ALLC: variants seen among roughly 807,000 people sequenced by gnomAD.
ALLC encodes probable inactive allantoicase.
ALLC carries 40 observed loss-of-function variants against 45.0 expected under a neutral mutation model. The observed-to-expected ratio is 0.89, with a 90% CI of 0.69 to 1.16. ALLC has a LOEUF of 1.16. ALLC is among the 50% of genes most tolerant of loss of function. The pLI is 0.00. For missense variants in ALLC, 488 were observed against 493.1 expected (o/e 0.99, Z 0.10); for synonymous variants, 176 against 178.1 (o/e 0.99, Z 0.09).
intron 4 of ALLC, 55 bp downstream of exon 4, chr2:3,678,610 G>A (rs1322242849): frequency 9.7e-6 from 14 of 1,445,552 alleles, no homozygotes; most frequent in South Asian, 4.7e-5. Context: ...AGTTAAAAAC[G>A]CAGGCTGTGG....
intron 1 of ALLC, among the ~76,000 whole-genome samples, chr2:3,659,954 TCA>T (rs2147990090): frequency 6.6e-6 from 1 of 152,326 alleles, no homozygotes; most frequent in East Asian, 1.9e-4. Flanking sequence ...CTCTCCTTTC[TCA>T]CATTTTTTTA....
At chr2:3,684,863 C>T (rs542482567) in intron 7 of ALLC, among the ~76,000 whole-genome samples, 1 of 152,170 alleles carries the variant, frequency 6.6e-6, no homozygotes, top group Non-Finnish European at 1.5e-5. Flanking sequence ...TGTTTTAACA[C>T]AGGCATGCAA....
At chr2:3,695,943 C>G in intron 8 of ALLC, 71 bp downstream of exon 8, 1 of 1,444,694 alleles carries the variant, frequency 6.9e-7, no homozygotes, top group Non-Finnish European at 9.3e-7. Flanking sequence ...CCAATATGGT[C>G]AGAGTGATTT....
Position 3,701,573 on chromosome 2 carries a change from C to A in ALLC, c.912C>A (p.Ala304=). 6.2e-7 allele frequency: 1 copy of A among 1,600,624 alleles called. No individual in the cohort carries two copies. The highest frequency in any genetic ancestry group is 1.7e-5 in the Admixed American group (1 of 58,952). The change falls in exon 11 of 12, where the codon GCC becomes GCA. Residue 304 remains alanine, a synonymous_variant. Transcript: ENST00000252505. The part of the protein sequence containing the change: ...GCILTTQEEE[A]VIRQKWILPA... ...TCCTGACAACTCAGGAAGAAGAAGC[C>A]GTGATCAGGCAAAAGTGGATTCTCC...
rs755101528 is a variant in ALLC at position 3,697,425 on chromosome 2, T to G, written c.819T>G (p.Thr273=). Residue 273 remains threonine, a synonymous_variant, in exon 10 of 12, where the codon ACT becomes ACG. Coordinates refer to ENST00000252505, the MANE Select transcript of ALLC (RefSeq NM_018436.4). ...VFRLAHPGVI[T]RIEIDTKYFE... is the part of the protein sequence containing the mutation. ...GATTGGCACATCCTGGAGTAATAAC[T>G]CGAATTGAAATTGACACAAAATATT... 1 of 1,613,814 alleles carries G rather than the reference T, an allele frequency of 6.2e-7. No homozygotes were observed. The highest frequency in any genetic ancestry group is 1.7e-5 in the Admixed American group (1 of 60,020).
chr2:3,648,056 G>A, the ALLC span, among the ~76,000 whole-genome samples: 1 of 149,176 alleles, frequency 6.7e-6, no homozygotes, highest in Admixed American at 6.6e-5. Flanking sequence ...AATGGGCAGT[G>A]GGTGTCCTGG....
chr2:3,673,560 A>G (rs1666948029), intron 2 of ALLC, among the ~76,000 whole-genome samples: 1 of 152,218 alleles, frequency 6.6e-6, no homozygotes, highest in South Asian at 2.1e-4. Context: ...TGTTTTGCTC[A>G]GGAAAATCTG....
chr2:3,681,054 C>T (rs1667163175), intron 5 of ALLC, among the ~76,000 whole-genome samples: 1 of 152,164 alleles, frequency 6.6e-6, no homozygotes, highest in East Asian at 1.9e-4. Flanking sequence ...TGTGGGTTGG[C>T]AAGTTTACAC....
intron 2 of ALLC, among the ~76,000 whole-genome samples, chr2:3,671,481 C>T (rs955930565): frequency 6.6e-6 from 1 of 152,274 alleles, no homozygotes; most frequent in Non-Finnish European, 1.5e-5. Context: ...ATCTGAGGTC[C>T]TCTAGCTGGA....
intron 7 of ALLC, among the ~76,000 whole-genome samples, chr2:3,687,715 T>C (rs548219070): frequency 6.6e-6 from 1 of 151,230 alleles, no homozygotes; most frequent in South Asian, 2.1e-4. Context: ...GGTTTTCCAA[T>C]TTGTTGGTAT....
rs139076143 is a variant in ALLC, at chr2:3,697,266, C to T, written c.742-82C>T. ...TAAGAAATAAAAGAAACACGTCAAC[C>T]TTTTTCACCTGTTGGTTTTCGGGAC... On this transcript the variant is annotated intron_variant, in intron 9 of 11. Coordinates refer to ENST00000252505, the MANE Select transcript of ALLC (RefSeq NM_018436.4). 1,447 of 1,021,176 alleles carry T rather than the reference C, an allele frequency of 1.4e-3. 13 individuals carry two copies. The African/African-American group carries it at 0.021, about 14-fold the overall frequency. 63.3% of individuals were successfully genotyped at this position (1,021,176 alleles called of 1,614,324 possible). A position where few individuals can be genotyped will look rare whatever the true frequency, so the allele number is the denominator to read the frequency against.
intron 2 of ALLC, 24 bp downstream of exon 2, chr2:3,671,214 AC>A: frequency 1.2e-6 from 2 of 1,605,856 alleles, no homozygotes; most frequent in Non-Finnish European, 1.7e-6. Context: ...TCATGGCCAA[AC>A]AAGGGTTGAA....
Position 3,671,913 on chromosome 2 carries a change from A to T in ALLC, c.33+723A>T, listed in dbSNP as rs548870888. Among the ~76,000 whole-genome samples the T allele has an allele frequency of 5.3e-5, 7 of 132,332 alleles. 1 individual carries two copies. The highest frequency in any genetic ancestry group is 4.2e-3 in the Middle Eastern group (1 of 240). 86.8% of individuals were successfully genotyped at this position (132,332 alleles called of 152,430 possible). A position where few individuals can be genotyped will look rare whatever the true frequency, so the allele number is the denominator to read the frequency against. On this transcript the variant is annotated intron_variant, in intron 2 of 11. Transcript: ENST00000252505. ...TGGGAGGTCCTCTGGCTCTGGTTAG[A>T]TGGGAGGTCCTCTGGCTCTATTTAG...
chr2:3,694,142 C>T (rs1337540147), intron 7 of ALLC, among the ~76,000 whole-genome samples: 3 of 152,164 alleles, frequency 2.0e-5, no homozygotes, highest in East Asian at 1.9e-4. Context: ...ACAGGATTCA[C>T]GAGTTGAGGG....
the ALLC span, among the ~76,000 whole-genome samples, chr2:3,646,045 G>A: frequency 6.6e-6 from 1 of 152,256 alleles, no homozygotes; most frequent in East Asian, 1.9e-4. Flanking sequence ...GGAGAAAAGG[G>A]CAGGTTTGCC....
At chr2:3,669,957 G>A (rs1358929764) in intron 1 of ALLC, among the ~76,000 whole-genome samples, 1 of 152,192 alleles carries the variant, frequency 6.6e-6, no homozygotes, top group Non-Finnish European at 1.5e-5. Context: ...GATAATTGGA[G>A]TGTGGATGAT....
chr2:3,701,406 C>T (rs1667827655), intron 10 of ALLC, 106 bp from the exon 11 acceptor site: 2 of 1,357,448 alleles, frequency 1.5e-6, no homozygotes, highest in Non-Finnish European at 2.0e-6. Flanking sequence ...AGAGCAGGGA[C>T]TTGTTTTTTG....
At position 3,702,652 on chromosome 2, in the gene ALLC, T is replaced by G; in HGVS notation, c.*89T>G. On this transcript the variant is annotated 3_prime_UTR_variant, in exon 12 of 12. Coordinates refer to ENST00000252505, the MANE Select transcript of ALLC (RefSeq NM_018436.4). ...ATGTTTTGAACACCTGGTGATTTAATAAAGTGGTCGTCTCACAAATTGATC... is the reference window on the plus strand; with the variant it reads ...ATGTTTTGAACACCTGGTGATTTAAGAAAGTGGTCGTCTCACAAATTGATC... 7.4e-7 allele frequency: 1 copy of G among 1,349,294 alleles called. No homozygotes were observed. Among genetic ancestry groups the G allele is most frequent in the Non-Finnish European group, 9.9e-7 (1 of 1,011,058 alleles). The allele number at this position is 1,349,294 out of a possible 1,614,324, so 83.6% of individuals were successfully genotyped here.
chr2:3,686,203 C>T (rs1232046692), intron 7 of ALLC, among the ~76,000 whole-genome samples: 2 of 151,012 alleles, frequency 1.3e-5, no homozygotes, highest in Non-Finnish European at 3.0e-5. Flanking sequence ...ATGCAGTTAT[C>T]TAGTTTCCCC....
Sources: allele counts gnomAD v4.1 joint callset (sites outside exome capture counted in the v4.1 genomes callset), GRCh38; gene constraint gnomAD v4.1.1; transcripts MANE v1.5; gene names NCBI Gene and HGNC (gene_info 2026-07-23, HGNC 2026-07-21).